The following PLEKHG1 variants were observed in gnomAD, a reference collection of about 807,000 sequenced individuals.
The protein encoded by PLEKHG1 is pleckstrin homology domain-containing family G member 1.
In PLEKHG1, 44 loss-of-function variants were observed where a neutral mutation model predicts 100.8. The observed-to-expected ratio is 0.44, with a 90% CI of 0.34 to 0.56. PLEKHG1 has a LOEUF of 0.56. Ranked by LOEUF, PLEKHG1 falls within the 20% of genes least tolerant of loss-of-function variation. PLEKHG1 has a pLI of 0.01. For synonymous variants in PLEKHG1, 640 were observed against 662.5 expected (o/e 0.97, Z 0.52); for missense variants, 1,545 against 1,720.9 (o/e 0.90, Z 1.81).
At chr6:150,777,065 A>T (rs1404372187) in intron 3 of PLEKHG1, among the ~76,000 whole-genome samples, 1 of 142,966 alleles carries the variant, frequency 7.0e-6, no homozygotes, top group Non-Finnish European at 1.5e-5. Flanking sequence ...GCAGTTGCAC[A>T]TTACACTGAT....
chr6:150,640,044 TG>T (rs1778187386), intron 2 of PLEKHG1, among the ~76,000 whole-genome samples: 1 of 152,270 alleles, frequency 6.6e-6, no homozygotes, highest in Non-Finnish European at 1.5e-5. Flanking sequence ...TAGCAGATCT[TG>T]GCCTTGGGCC....
chr6:150,716,894 C>G (rs1162969050), upstream of PLEKHG1, among the ~76,000 whole-genome samples: 2 of 152,150 alleles, frequency 1.3e-5, no homozygotes, highest in Non-Finnish European at 2.9e-5. Context: ...CTCTGTCACC[C>G]AGGCTGGAGT....
chr6:150,827,616 G>C (rs1776686617), intron 14 of PLEKHG1: 3 of 757,830 alleles, frequency 4.0e-6, no homozygotes, highest in Non-Finnish European at 4.8e-6. Context: ...ACCTTAAAAA[G>C]ATACTTCAGC....
At chr6:150,712,749 G>T (rs78041927) in intron 3 of PLEKHG1, among the ~76,000 whole-genome samples, 1 of 152,146 alleles carries the variant, frequency 6.6e-6, no homozygotes, top group Admixed American at 6.5e-5. Context: ...TGTCAGCTTG[G>T]ATACCAAGTA....
chr6:150,834,125 A>G (rs899316256), intron 15 of PLEKHG1, among the ~76,000 whole-genome samples: 2 of 152,238 alleles, frequency 1.3e-5, no homozygotes, highest in African/African-American at 4.8e-5. Context: ...AGGATTTCAC[A>G]GACTCTGAGT....
chr6:150,612,056 C>CA (rs1184165418), intron 1 of PLEKHG1, among the ~76,000 whole-genome samples: 3 of 107,838 alleles, frequency 2.8e-5, no homozygotes, highest in Admixed American at 8.5e-5. Context: ...CCCCCCCCCC[C>CA]CCCCTTTTCT....
chr6:150,745,721 T>TG (rs1783126438), intron 2 of PLEKHG1, among the ~76,000 whole-genome samples: 1 of 142,134 alleles, frequency 7.0e-6, no homozygotes, highest in Admixed American at 7.0e-5. Flanking sequence ...CGGAGAAAAA[T>TG]GGGGTACCAA....
At chr6:150,612,052 C>G (rs1283025870) in intron 1 of PLEKHG1, among the ~76,000 whole-genome samples, 36 of 101,924 alleles carry the variant, frequency 3.5e-4, no homozygotes, top group African/African-American at 9.0e-4. Flanking sequence ...TGTTCCCCCC[C>G]CCCCCCCCTT....
At chr6:150,758,859 C>T (rs1783996915) in intron 2 of PLEKHG1, among the ~76,000 whole-genome samples, 1 of 152,206 alleles carries the variant, frequency 6.6e-6, no homozygotes, top group African/African-American at 2.4e-5. Flanking sequence ...CCATCTTTCT[C>T]TTCATTTCTG....
chr6:150,759,297 T>C (rs1415926530), intron 2 of PLEKHG1, among the ~76,000 whole-genome samples: 1 of 152,198 alleles, frequency 6.6e-6, no homozygotes, highest in Admixed American at 6.5e-5. Context: ...TGAATGGGAC[T>C]GATCCTAATT....
intron 3 of PLEKHG1, among the ~76,000 whole-genome samples, chr6:150,656,103 T>TA (rs1004125166): frequency 5.8e-4 from 87 of 149,058 alleles, no homozygotes; most frequent in Middle Eastern, 3.4e-3. Flanking sequence ...TAATAAAAAA[T>TA]AAAAAAAAAT....
intron 15 of PLEKHG1, among the ~76,000 whole-genome samples, chr6:150,838,350 A>C (rs1391137087): frequency 6.6e-6 from 1 of 152,236 alleles, no homozygotes; most frequent in Non-Finnish European, 1.5e-5. Context: ...AACAGCTTTG[A>C]ATGTGGCCCA....
At chr6:150,705,040 T>C (rs1221216135) in intron 3 of PLEKHG1, among the ~76,000 whole-genome samples, 1 of 152,112 alleles carries the variant, frequency 6.6e-6, no homozygotes, top group Non-Finnish European at 1.5e-5. Flanking sequence ...CTTTGGGGGT[T>C]AGGGCTTCAA....
intron 15 of PLEKHG1, among the ~76,000 whole-genome samples, chr6:150,833,509 T>C (rs1432167370): frequency 6.6e-6 from 1 of 152,218 alleles, no homozygotes; most frequent in Non-Finnish European, 1.5e-5. Flanking sequence ...ATCAGGACTA[T>C]GGGAATGAGA....
chr6:150,675,328 C>T (rs988377138), intron 3 of PLEKHG1, among the ~76,000 whole-genome samples: 6 of 152,214 alleles, frequency 3.9e-5, no homozygotes, highest in African/African-American at 2.4e-5. Flanking sequence ...TCATAAGTGG[C>T]AGAACCAGGA....
At chr6:150,667,819 A>G (rs1186533739) in intron 3 of PLEKHG1, among the ~76,000 whole-genome samples, 2 of 152,226 alleles carry the variant, frequency 1.3e-5, no homozygotes, top group Admixed American at 6.5e-5. Context: ...TACAAGGGAT[A>G]GTGAATCCAT....
intron 15 of PLEKHG1, among the ~76,000 whole-genome samples, chr6:150,833,000 A>G (rs942052302): frequency 1.3e-5 from 2 of 149,284 alleles, no homozygotes; most frequent in African/African-American, 2.5e-5. Flanking sequence ...AGTTGCTCGC[A>G]CTATAAATCA....
intron 4 of PLEKHG1, 137 bp downstream of exon 5, chr6:150,786,596 G>A (rs1463836855): frequency 8.1e-6 from 5 of 619,004 alleles, no homozygotes; most frequent in Non-Finnish European, 1.4e-5. Flanking sequence ...CTTTGTTTGA[G>A]TAGCAAAAAT....
chr6:150,674,148 T>A (rs1036207060), intron 3 of PLEKHG1, among the ~76,000 whole-genome samples: 1 of 152,152 alleles, frequency 6.6e-6, no homozygotes, highest in Non-Finnish European at 1.5e-5. Context: ...CTTAGTCTAC[T>A]CTCTGTTATA....
Sources: allele counts gnomAD v4.1 joint callset (sites outside exome capture counted in the v4.1 genomes callset), GRCh38; gene constraint gnomAD v4.1.1; transcripts MANE v1.5; gene names NCBI Gene and HGNC (gene_info 2026-07-23, HGNC 2026-07-21).